Variants in PLXDC2 observed in about 807,000 individuals in gnomAD.
The protein encoded by PLXDC2 is plexin domain-containing protein 2.
PLXDC2 carries 40 observed loss-of-function variants against 68.9 expected under a neutral mutation model. That is an observed-to-expected ratio of 0.58 (90% confidence interval 0.45 to 0.76). The LOEUF is 0.76. Ranked by LOEUF, PLXDC2 falls within the 30% of genes least tolerant of loss-of-function variation. The pLI is 0.00. For synonymous variants in PLXDC2, 243 were observed against 234.2 expected, an observed-to-expected ratio of 1.04 and a Z score of -0.34; for missense variants, 644 against 661.9, an observed-to-expected ratio of 0.97 and a Z score of 0.30.
intron 2 of PLXDC2, among the ~76,000 whole-genome samples, chr10:20,044,231 T>TTCTTTCTTTCTTTCTTTCTTTCTTTC (rs1835748795): frequency 1.4e-5 from 1 of 72,750 alleles, no homozygotes; most frequent in Non-Finnish European, 2.5e-5. Flanking sequence ...CTTTCTTTCT[T>TTCTTTCTTTCTTTCTTTCTTTCTTTC]TCTTTCTTTC....
At chr10:19,905,587 A>T (rs1379906420) in intron 1 of PLXDC2, among the ~76,000 whole-genome samples, 2 of 152,006 alleles carry the variant, frequency 1.3e-5, no homozygotes, top group Non-Finnish European at 2.9e-5. Flanking sequence ...GCAAACATTG[A>T]GGGTCCCTAT....
At chr10:19,858,743 G>C (rs1233422902) in intron 1 of PLXDC2, among the ~76,000 whole-genome samples, 1 of 152,116 alleles carries the variant, frequency 6.6e-6, no homozygotes, top group East Asian at 1.9e-4. Context: ...AGGAAGACGG[G>C]AGGTAAAAGG....
At chr10:19,974,807 G>A (rs958304106) in intron 1 of PLXDC2, among the ~76,000 whole-genome samples, 2 of 152,158 alleles carry the variant, frequency 1.3e-5, no homozygotes, top group Non-Finnish European at 2.9e-5. Context: ...AACTTGGACT[G>A]TAATTTTGTT....
chr10:20,229,327 C>A (rs530632315), intron 12 of PLXDC2, among the ~76,000 whole-genome samples: 1 of 151,728 alleles, frequency 6.6e-6, no homozygotes, highest in Non-Finnish European at 1.5e-5. Context: ...GTTGAAAGAC[C>A]CATAAAACAT....
intron 9 of PLXDC2, among the ~76,000 whole-genome samples, chr10:20,199,746 C>T (rs74439457): frequency 1.4e-3 from 215 of 151,752 alleles, no homozygotes; most frequent in African/African-American, 4.7e-3. Flanking sequence ...TTATTTGGAA[C>T]GTTAGAATGT....
intron 1 of PLXDC2, among the ~76,000 whole-genome samples, chr10:19,867,959 A>G (rs1223699141): frequency 5.3e-5 from 8 of 152,226 alleles, no homozygotes; most frequent in African/African-American, 1.9e-4. Context: ...CATTAAAAAT[A>G]TTAGAAAGTT....
chr10:20,163,875 G>A (rs1834338650), intron 6 of PLXDC2, among the ~76,000 whole-genome samples: 1 of 152,148 alleles, frequency 6.6e-6, no homozygotes, highest in African/African-American at 2.4e-5. Context: ...GTGACATTGA[G>A]ATGACCCATA....
At chr10:20,236,141 T>C (rs1001543048) in intron 12 of PLXDC2, among the ~76,000 whole-genome samples, 1 of 152,162 alleles carries the variant, frequency 6.6e-6, no homozygotes, top group African/African-American at 2.4e-5. Flanking sequence ...TTTATTTTTA[T>C]TTTTCAAAAA....
intron 9 of PLXDC2, among the ~76,000 whole-genome samples, chr10:20,211,389 G>A (rs973528195): frequency 1.3e-5 from 2 of 152,112 alleles, no homozygotes; most frequent in Non-Finnish European, 2.9e-5. Flanking sequence ...TCTTATCTTT[G>A]TGCAGGGATC....
At chr10:20,256,459 C>CCATA (rs150072870) in intron 13 of PLXDC2, among the ~76,000 whole-genome samples, 65 of 151,820 alleles carry the variant, frequency 4.3e-4, no homozygotes, top group Non-Finnish European at 8.5e-4. Flanking sequence ...AACACTGAGA[C>CCATA]TGCACCAAAT....
At chr10:19,948,099 T>C (rs2131403979) in intron 1 of PLXDC2, among the ~76,000 whole-genome samples, 1 of 152,300 alleles carries the variant, frequency 6.6e-6, no homozygotes, top group East Asian at 1.9e-4. Context: ...TCCTGTGAAA[T>C]GGATTTTTAA....
At chr10:19,826,522 C>A (rs745419886) in intron 1 of PLXDC2, among the ~76,000 whole-genome samples, 25 of 152,008 alleles carry the variant, frequency 1.6e-4, no homozygotes, top group African/African-American at 5.6e-4. Context: ...ACTGTGGATG[C>A]CCTGTGAAAA....
chr10:19,973,831 C>T (rs141107126), intron 1 of PLXDC2, among the ~76,000 whole-genome samples: 41 of 152,224 alleles, frequency 2.7e-4, no homozygotes, highest in African/African-American at 8.7e-4. Flanking sequence ...CATTCTGCCT[C>T]CATTTGACAT....
intron 1 of PLXDC2, among the ~76,000 whole-genome samples, chr10:19,956,847 A>G (rs1356677997): frequency 6.6e-6 from 1 of 152,200 alleles, no homozygotes. Flanking sequence ...TGTATGACTA[A>G]TGCCTTGCTT....
In PLXDC2 at chr10:20,155,393, C is replaced by T. The variant is rs553048150; in HGVS notation, c.783+7491C>T. Among the ~76,000 whole-genome samples, 5 of 152,292 alleles carry T rather than the reference C, an allele frequency of 3.3e-5. No homozygotes were observed. In the South Asian group the frequency reaches 1.0e-3, roughly 32 times the overall value. On this transcript the variant is annotated intron_variant, in intron 6 of 13. Coordinates refer to ENST00000377252, the MANE Select transcript of PLXDC2 (RefSeq NM_032812.9). ...TAATTTCCTTCTATAACTATTGCTA[C>T]ATCTGTGAGAATACTTGATGTGTGA...
intron 4 of PLXDC2, among the ~76,000 whole-genome samples, chr10:20,130,407 G>C (rs1235277524): frequency 6.6e-6 from 1 of 152,052 alleles, no homozygotes; most frequent in East Asian, 1.9e-4. Flanking sequence ...TTTTGGAGGA[G>C]TTTTAAGGGT....
intron 4 of PLXDC2, among the ~76,000 whole-genome samples, chr10:20,125,900 A>C (rs1340490425): frequency 6.7e-6 from 1 of 149,772 alleles, no homozygotes; most frequent in Non-Finnish European, 1.5e-5. Context: ...GAGCCTTTCC[A>C]CTACATTTTT....
intron 9 of PLXDC2, among the ~76,000 whole-genome samples, chr10:20,197,877 G>A (rs1834863319): frequency 6.6e-6 from 1 of 152,098 alleles, no homozygotes; most frequent in Admixed American, 6.6e-5. Context: ...GCCATACTCT[G>A]GTTAGTGGCC....
intron 1 of PLXDC2, among the ~76,000 whole-genome samples, chr10:19,822,717 T>A (rs1836493517): frequency 6.6e-6 from 1 of 152,336 alleles, no homozygotes; most frequent in South Asian, 2.1e-4. Context: ...GATTTGTATT[T>A]CCCTAATGAT....
Sources: gnomAD v4.1 joint callset for allele counts (sites outside exome capture counted in the v4.1 genomes callset) on GRCh38, gnomAD v4.1.1 for gene constraint, MANE v1.5 for transcripts, NCBI Gene and HGNC (gene_info 2026-07-23, HGNC 2026-07-21) for gene names.